The following RBFOX1 variants were observed in gnomAD, a reference collection of about 807,000 sequenced individuals.
RBFOX1 encodes RNA binding fox-1 homolog 1.
RBFOX1 carries 8 observed loss-of-function variants against 57.7 expected under a neutral mutation model. The ratio of observed to expected loss-of-function variants is 0.14; its 90% CI spans 0.08 to 0.25. The LOEUF (loss-of-function observed/expected upper bound fraction) is 0.25, where lower values mean the gene tolerates loss of function less well. RBFOX1 is among the 10% of genes least tolerant of loss of function. RBFOX1 has a pLI of 1.00. For missense variants in RBFOX1, 611 were observed against 548.5 expected (o/e 1.11, Z -1.14); for synonymous variants, 326 against 222.4 (o/e 1.47, Z -4.15).
At chr16:6,769,274 C>G (rs1265233554) in intron 3 of RBFOX1, among the ~76,000 whole-genome samples, 1 of 152,212 alleles carries the variant, frequency 6.6e-6, no homozygotes, top group Non-Finnish European at 1.5e-5. Context: ...ATGAGACTTG[C>G]TCCTCCTTGC....
At chr16:7,543,989 G>A (rs1829368466) in intron 5 of RBFOX1, among the ~76,000 whole-genome samples, 2 of 152,166 alleles carry the variant, frequency 1.3e-5, no homozygotes, top group Admixed American at 1.3e-4. Flanking sequence ...AAAGTGCTGG[G>A]ATTATAGGCG....
rs111499058 is a variant in RBFOX1 at position 7,065,054 on chromosome 16, A to G, written c.27+12956A>G. Reference sequence around the variant, plus strand: ...TCGATATGGATGGAGAAAGGAACAGATGAGTATGTGAGTCACAGCGTGTTA... The same window carrying G: ...TCGATATGGATGGAGAAAGGAACAGGTGAGTATGTGAGTCACAGCGTGTTA... On this transcript the variant is annotated intron_variant, in intron 4 of 15. Coordinates refer to ENST00000550418, the MANE Select transcript of RBFOX1 (RefSeq NM_018723.4). Among the ~76,000 whole-genome samples, 63 of 152,330 alleles carry G rather than the reference A, an allele frequency of 4.1e-4. 1 individual carries two copies. The highest frequency in any genetic ancestry group is 1.5e-3 in the African/African-American group (62 of 41,582).
In RBFOX1 at chr16:6,805,471, G is replaced by C. The variant is rs68127937; in HGVS notation, c.-16+150821G>C. ...TAGTACCTGGGTGGTGAAATAATCTGTACCATCCCCATAACATGAGTTTAC... is the reference window on the plus strand; with the variant it reads ...TAGTACCTGGGTGGTGAAATAATCTCTACCATCCCCATAACATGAGTTTAC... On this transcript the variant is annotated intron_variant, in intron 3 of 15. Coordinates refer to ENST00000550418, the MANE Select transcript of RBFOX1 (RefSeq NM_018723.4). 2.0e-3 allele frequency among the ~76,000 whole-genome samples: 309 copies of C among 152,152 alleles called. 1 individual carries two copies. Among genetic ancestry groups the C allele is most frequent in the Non-Finnish European group, 3.0e-3 (202 of 68,008 alleles).
At chr16:5,788,386 C>T (rs9933013) in intron 3 of RBFOX1, among the ~76,000 whole-genome samples, 40,624 of 151,970 alleles carry the variant, frequency 0.27, 5,878 homozygotes, top group East Asian at 0.55. Context: ...CCCAGCACAT[C>T]GGGAGGTCGA....
chr16:7,654,736 C>T (rs2144896536), intron 12 of RBFOX1, among the ~76,000 whole-genome samples: 1 of 152,318 alleles, frequency 6.6e-6, no homozygotes, highest in Admixed American at 6.5e-5. Flanking sequence ...TGCACCTCTG[C>T]AGCCAGGGAG....
intron 4 of RBFOX1, among the ~76,000 whole-genome samples, chr16:7,377,368 G>A (rs994105681): frequency 1.1e-4 from 16 of 152,152 alleles, no homozygotes; most frequent in African/African-American, 2.9e-4. Flanking sequence ...TCATTCAGAA[G>A]AACCAGGCCT....
chr16:6,702,722 G>A (rs2062047174), intron 3 of RBFOX1, among the ~76,000 whole-genome samples: 1 of 152,108 alleles, frequency 6.6e-6, no homozygotes, highest in Non-Finnish European at 1.5e-5. Flanking sequence ...TCTGGTTTTT[G>A]TTTTAGTCTT....
At position 5,742,807 on chromosome 16, in the gene RBFOX1, AG is replaced by A. The variant is rs147312962; in HGVS notation, c.319-124494del. Reference sequence around the variant, plus strand: ...AGTATTAGTCCAGAAATGGGACTAAAGGTAAGCTAGCCTGAAAGAACCAATG... The same window carrying A: ...AGTATTAGTCCAGAAATGGGACTAAAGTAAGCTAGCCTGAAAGAACCAATG... On this transcript the variant is annotated intron_variant, in intron 3 of 19. Coordinates refer to the RBFOX1 transcript ENST00000641259. Among the ~76,000 whole-genome samples the A allele has an allele frequency of 1.8e-3, 275 of 152,346 alleles. 2 individuals carry two copies. Among genetic ancestry groups the A allele is most frequent in the African/African-American group, 6.5e-3 (271 of 41,580 alleles).
intron 13 of RBFOX1, among the ~76,000 whole-genome samples, chr16:7,675,632 A>G (rs1294326191): frequency 6.6e-6 from 1 of 152,186 alleles, no homozygotes; most frequent in Non-Finnish European, 1.5e-5. Flanking sequence ...GGCTTTTTGT[A>G]GCTTCCCTGC....
At chr16:6,410,163 T>G (rs1034043750) in intron 2 of RBFOX1, among the ~76,000 whole-genome samples, 7 of 108,054 alleles carry the variant, frequency 6.5e-5, no homozygotes, top group African/African-American at 2.5e-4. Context: ...TTAAGCATCA[T>G]AAGGCTGTGT....
chr16:6,127,212 G>C (rs2096596241), intron 1 of RBFOX1, among the ~76,000 whole-genome samples: 1 of 151,864 alleles, frequency 6.6e-6, no homozygotes, highest in Admixed American at 6.6e-5. Context: ...CCTAGATGGA[G>C]TCAAAGGTTT....
chr16:7,418,358 G>A (rs1213845800), intron 4 of RBFOX1, among the ~76,000 whole-genome samples: 5 of 152,332 alleles, frequency 3.3e-5, no homozygotes, highest in East Asian at 1.9e-4. Flanking sequence ...ATCTCCTGGT[G>A]TCTTGTGTGG....
At chr16:6,193,038 A>G (rs1196068921) in intron 1 of RBFOX1, among the ~76,000 whole-genome samples, 1 of 152,126 alleles carries the variant, frequency 6.6e-6, no homozygotes, top group East Asian at 1.9e-4. Context: ...TCTTTGTTCC[A>G]TGAAGAAATG....
intron 4 of RBFOX1, among the ~76,000 whole-genome samples, chr16:7,091,140 T>C (rs2060782515): frequency 6.6e-6 from 1 of 152,230 alleles, no homozygotes; most frequent in Non-Finnish European, 1.5e-5. Context: ...CTTTACTTTT[T>C]AGTTGGTTGA....
At chr16:6,174,335 C>T (rs552897103) in intron 1 of RBFOX1, among the ~76,000 whole-genome samples, 90 of 152,350 alleles carry the variant, frequency 5.9e-4, no homozygotes, top group Admixed American at 1.2e-3. Flanking sequence ...TGGCTCATGC[C>T]TGTCATCTGA....
At chr16:6,713,902 T>C (rs75210348) in intron 3 of RBFOX1, among the ~76,000 whole-genome samples, 3,239 of 152,260 alleles carry the variant, frequency 0.021, 56 homozygotes, top group South Asian at 0.052. Flanking sequence ...CAGGAAGATA[T>C]CATCCTTTTC....
At chr16:7,619,907 C>G (rs2059046688) in intron 10 of RBFOX1, among the ~76,000 whole-genome samples, 1 of 152,198 alleles carries the variant, frequency 6.6e-6, no homozygotes, top group South Asian at 2.1e-4. Flanking sequence ...CCTACAGTGG[C>G]TCTGCCGGAC....
intron 2 of RBFOX1, among the ~76,000 whole-genome samples, chr16:6,486,791 C>G (rs1401764515): frequency 2.0e-5 from 3 of 151,352 alleles, no homozygotes; most frequent in Admixed American, 6.6e-5. Flanking sequence ...CATTTTCATG[C>G]AGGGTTGTGT....
chr16:6,024,074 T>C (rs2095138220), intron 1 of RBFOX1, among the ~76,000 whole-genome samples: 1 of 152,196 alleles, frequency 6.6e-6, no homozygotes, highest in Non-Finnish European at 1.5e-5. Flanking sequence ...TTTGAATCTG[T>C]AGTCATTGTG....
Sources: allele counts gnomAD v4.1 joint callset (sites outside exome capture counted in the v4.1 genomes callset), GRCh38; gene constraint gnomAD v4.1.1; transcripts MANE v1.5; gene names NCBI Gene and HGNC (gene_info 2026-07-23, HGNC 2026-07-21).